Variants in MACROD2 observed in about 807,000 individuals in gnomAD.
MACROD2 encodes the protein ADP-ribose glycohydrolase MACROD2.
MACROD2 carries 36 observed loss-of-function variants against 70.4 expected under a neutral mutation model. The observed-to-expected ratio is 0.51, with a 90% CI of 0.39 to 0.68. The LOEUF is 0.68. Among genes scored for constraint, MACROD2 ranks in the 30% least tolerant of loss-of-function variants. The pLI is 0.00. For synonymous variants in MACROD2, 172 were observed against 178.8 expected (o/e 0.96, Z 0.30); for missense variants, 496 against 538.4 (o/e 0.92, Z 0.78).
At chr20:14,404,291 A>G (rs2083669563) in intron 3 of MACROD2, among the ~76,000 whole-genome samples, 1 of 152,310 alleles carries the variant, frequency 6.6e-6, no homozygotes, top group African/African-American at 2.4e-5. Context: ...TTTTCCAGAT[A>G]TGATTAAGGA....
chr20:15,156,028 G>A (rs1483764101), intron 5 of MACROD2, among the ~76,000 whole-genome samples: 1 of 152,166 alleles, frequency 6.6e-6, no homozygotes, highest in Middle Eastern at 3.2e-3. Flanking sequence ...GGTAAGGTGT[G>A]ACATTTGCTG....
intron 5 of MACROD2, among the ~76,000 whole-genome samples, chr20:14,807,427 C>T (rs754813375): frequency 1.3e-5 from 2 of 152,038 alleles, no homozygotes; most frequent in Non-Finnish European, 2.9e-5. Flanking sequence ...TGCAAAAACT[C>T]CATCCAAAGG....
At chr20:14,894,097 T>G (rs937455085) in intron 5 of MACROD2, 11 of 152,116 alleles carry the variant, frequency 7.2e-5, no homozygotes, top group African/African-American at 2.7e-4. Context: ...TTATTTCATG[T>G]TTTTTTACAA....
intron 8 of MACROD2, among the ~76,000 whole-genome samples, chr20:15,808,859 A>G (rs2063792928): frequency 6.6e-6 from 1 of 152,212 alleles, no homozygotes; most frequent in African/African-American, 2.4e-5. Flanking sequence ...GTTGGTGAGA[A>G]CAGAGTCGTT....
intron 8 of MACROD2, among the ~76,000 whole-genome samples, chr20:15,518,498 GCTT>G (rs1036321345): frequency 1.3e-5 from 2 of 152,180 alleles, no homozygotes; most frequent in Non-Finnish European, 2.9e-5. Flanking sequence ...TCCAGTGAGT[GCTT>G]CATTTTAGAC....
chr20:15,844,416 T>C (rs539139513), intron 8 of MACROD2, among the ~76,000 whole-genome samples: 1 of 152,230 alleles, frequency 6.6e-6, no homozygotes, highest in South Asian at 2.1e-4. Flanking sequence ...TGCTGTGTGC[T>C]CAACACAATG....
intron 15 of MACROD2, among the ~76,000 whole-genome samples, chr20:16,027,444 T>C (rs953092559): frequency 2.0e-5 from 3 of 152,242 alleles, no homozygotes; most frequent in Admixed American, 6.5e-5. Context: ...ATTAAGAATG[T>C]ATAGGATTAA....
chr20:15,047,640 C>T (rs1256143532), intron 5 of MACROD2, among the ~76,000 whole-genome samples: 1 of 152,080 alleles, frequency 6.6e-6, no homozygotes, highest in Admixed American at 6.5e-5. Flanking sequence ...TTCTAGCCAC[C>T]CTGCCCCTCC....
At chr20:14,719,598 G>T (rs2071440417) in intron 5 of MACROD2, among the ~76,000 whole-genome samples, 1 of 151,950 alleles carries the variant, frequency 6.6e-6, no homozygotes, top group Admixed American at 6.6e-5. Context: ...ATTCTTTAAA[G>T]AATATTGGAA....
chr20:15,215,755 GA>G (rs1340746704), intron 5 of MACROD2, among the ~76,000 whole-genome samples: 6 of 151,970 alleles, frequency 3.9e-5, no homozygotes, highest in Non-Finnish European at 7.4e-5. Flanking sequence ...TTATAAAAAT[GA>G]TGTTCCAGTA....
rs2066496274 is a variant in MACROD2, at chr20:15,987,106, A to AACCAAGAAGATG, written c.1101_1102insACCAAGAAGATG (p.Gln367_Pro368insThrLysLysMet). Reference sequence around the variant, plus strand: ...AAGAAGATGCCGTGATTGTGGAGCAACCAGAAGTGATTCCATTAACAGAGG... The same window carrying AACCAAGAAGATG: ...AAGAAGATGCCGTGATTGTGGAGCAAACCAAGAAGATGCCAGAAGTGATTCCATTAACAGAGG... On this transcript the variant is annotated inframe_insertion, in exon 15 of 18. Coordinates refer to ENST00000684519, the MANE Select transcript of MACROD2 (RefSeq NM_001351661.2). The AACCAAGAAGATG allele has an allele frequency of 1.8e-5, 29 of 1,612,476 alleles. No individual in the cohort carries two copies. Among genetic ancestry groups the AACCAAGAAGATG allele is most frequent in the Non-Finnish European group, 2.4e-5 (28 of 1,179,668 alleles).
chr20:15,819,490 T>C (rs1337655089), intron 8 of MACROD2, among the ~76,000 whole-genome samples: 3 of 146,208 alleles, frequency 2.1e-5, no homozygotes, highest in Admixed American at 1.4e-4. Context: ...GTTATATTGA[T>C]ATATAAATAT....
chr20:15,537,759 C>A (rs1221864259), intron 8 of MACROD2, among the ~76,000 whole-genome samples: 1 of 152,270 alleles, frequency 6.6e-6, no homozygotes, highest in South Asian at 2.1e-4. Flanking sequence ...CAGGCATGAG[C>A]CACCATGCCA....
At chr20:15,721,396 C>G (rs1347656461) in intron 8 of MACROD2, among the ~76,000 whole-genome samples, 1 of 152,100 alleles carries the variant, frequency 6.6e-6, no homozygotes, top group Non-Finnish European at 1.5e-5. Flanking sequence ...GATTAACTTC[C>G]CAAATTTCTG....
intron 5 of MACROD2, among the ~76,000 whole-genome samples, chr20:14,763,759 C>G (rs554868649): frequency 1.3e-5 from 2 of 152,164 alleles, no homozygotes; most frequent in South Asian, 2.1e-4. Flanking sequence ...TTTTGAGCAG[C>G]CTGAATCTGC....
intron 5 of MACROD2, among the ~76,000 whole-genome samples, chr20:14,809,183 A>G (rs1020524851): frequency 1.3e-5 from 2 of 152,140 alleles, no homozygotes; most frequent in African/African-American, 2.4e-5. Flanking sequence ...CATAATTGGA[A>G]GTAAAACACT....
chr20:14,495,483 G>C (rs1797125763), intron 4 of MACROD2, among the ~76,000 whole-genome samples: 1 of 152,172 alleles, frequency 6.6e-6, no homozygotes, highest in African/African-American at 2.4e-5. Flanking sequence ...CTAGCATGTA[G>C]TCTTTTATTC....
chr20:15,628,860 T>C (rs1321142797), intron 8 of MACROD2, among the ~76,000 whole-genome samples: 2 of 152,256 alleles, frequency 1.3e-5, no homozygotes, highest in Non-Finnish European at 2.9e-5. Context: ...GGACTTTATG[T>C]AAATGAAATC....
chr20:15,968,797 GTATATATATATATATATATATA>G (rs35259261), intron 13 of MACROD2, among the ~76,000 whole-genome samples: 24 of 106,800 alleles, frequency 2.2e-4, no homozygotes, highest in African/African-American at 7.1e-4. Context: ...TATATTATGC[GTATATATATATATATATATATA>G]TATATATATA....
Sources: allele counts gnomAD v4.1 joint callset (sites outside exome capture counted in the v4.1 genomes callset), GRCh38; gene constraint gnomAD v4.1.1; transcripts MANE v1.5; gene names NCBI Gene and HGNC (gene_info 2026-07-23, HGNC 2026-07-21).